Variants in SLC16A13 observed in about 807,000 individuals in gnomAD.
SLC16A13 encodes the protein monocarboxylate transporter 13.
A neutral mutation model predicts 28.1 loss-of-function variants in SLC16A13; 28 were observed. The ratio of observed to expected loss-of-function variants is 1.00; its 90% CI spans 0.74 to 1.37. The LOEUF (loss-of-function observed/expected upper bound fraction) is 1.37. Ranked by LOEUF, SLC16A13 falls within the 40% of genes most tolerant of loss-of-function variation. SLC16A13 has a pLI of 0.00. For missense variants in SLC16A13, 482 were observed against 531.8 expected, an observed-to-expected ratio of 0.91 and a Z score of 0.92; for synonymous variants, 228 against 241.6, an observed-to-expected ratio of 0.94 and a Z score of 0.52.
chr17:7,037,778 A>T (rs978659459), intron 2 of SLC16A13, among the ~76,000 whole-genome samples: 2 of 152,162 alleles, frequency 1.3e-5, no homozygotes, highest in African/African-American at 4.8e-5. Flanking sequence ...TGAAATCGAT[A>T]TCATTATTGG....
intron 2 of SLC16A13, 45 bp downstream of exon 2, chr17:7,036,915 T>G: frequency 6.3e-7 from 1 of 1,598,106 alleles, no homozygotes. Flanking sequence ...CTTAGATCGT[T>G]GGATGTTCAC....
chr17:7,038,302 A>G lies in SLC16A13; in HGVS notation c.494A>G (p.His165Arg), dbSNP rs1469004541. 2 of 1,613,854 alleles carry G rather than the reference A, an allele frequency of 1.2e-6. No homozygotes were observed. Residue 165 changes from histidine (H) to arginine (R), a missense_variant, in exon 3 of 4, where the codon CAC becomes CGC. By Grantham distance (29) the His-to-Arg change is conservative. Transcript: ENST00000308027. The surrounding 1 kb of genome is among the most constrained non-coding windows in gnomAD (Gnocchi z 5.7). The stretch of plus-strand genomic sequence containing the variant: ...CCCTTTTTCCAGTGGCTGCTCAGCC[A>G]CTACGCCTGGAGGGGGTCCCTGCTG... ...FAPFFQWLLS[H>R]YAWRGSLLLV...
intron 1 of SLC16A13, 38 bp downstream of exon 1, chr17:7,036,619 C>A (rs573586089): frequency 1.9e-6 from 3 of 1,611,116 alleles, no homozygotes; most frequent in Non-Finnish European, 2.5e-6. Flanking sequence ...CTGCGACCCT[C>A]GGAAGGGAGA....
intron 2 of SLC16A13, 47 bp downstream of exon 2, chr17:7,036,917 G>C: frequency 6.3e-7 from 1 of 1,596,858 alleles, no homozygotes; most frequent in Non-Finnish European, 8.5e-7. Flanking sequence ...TAGATCGTTG[G>C]ATGTTCACCT....
Position 7,038,008 on chromosome 17 carries a change from C to T in SLC16A13, c.344-144C>T. The T allele has an allele frequency of 2.1e-6, 2 of 964,152 alleles. No individual in the cohort carries two copies. The highest frequency in any genetic ancestry group is 3.1e-6 in the Non-Finnish European group (2 of 644,874). 59.7% of individuals were successfully genotyped at this position (964,152 alleles called of 1,614,324 possible). On this transcript the variant is annotated intron_variant, in intron 2 of 3. Coordinates refer to ENST00000308027, the MANE Select transcript of SLC16A13 (RefSeq NM_201566.3). The surrounding 1 kb of genome is among the most constrained non-coding windows in gnomAD (Gnocchi z 5.7). ...AAGTAAAACACACAAGGTTACACAG[C>T]TATGAAGTATCCAAGCCAAGATTGT... is the stretch of plus-strand genomic sequence containing the variant.
At position 7,036,558 on chromosome 17, in the gene SLC16A13, G is replaced by C; in HGVS notation, c.176G>C (p.Gly59Ala). 6.2e-7 allele frequency: 1 copy of C among 1,612,418 alleles called. No homozygotes were observed. The highest frequency in any genetic ancestry group is 8.5e-7 in the Non-Finnish European group (1 of 1,179,976). Residue 59 changes from glycine to alanine, a missense_variant, in exon 1 of 4, where the codon GGA becomes GCA. Physicochemically the swap from Gly to Ala is moderately conservative, Grantham distance 60. Coordinates refer to ENST00000308027, the MANE Select transcript of SLC16A13 (RefSeq NM_201566.3). ...AARVSWIASI[G>A]IAVQQFGSPV... ...CGCGTCTCCTGGATCGCCTCCATAG[G>C]AATCGCGGTGCAGCAGTTTGGGAGT...
At chr17:7,036,945 A>G in intron 2 of SLC16A13, 75 bp downstream of exon 2, 2 of 1,560,788 alleles carry the variant, frequency 1.3e-6, no homozygotes, top group Non-Finnish European at 1.7e-6. Context: ...GCTCCTTCCA[A>G]AGGGTTCGGG....
chr17:7,036,638 G>C, intron 1 of SLC16A13, 57 bp downstream of exon 1: 1 of 1,609,666 alleles, frequency 6.2e-7, no homozygotes, highest in Non-Finnish European at 8.5e-7. Context: ...GAGGGAATGC[G>C]GCGACTGGGA....
chr17:7,037,725 CA>C (rs74493369), intron 2 of SLC16A13, among the ~76,000 whole-genome samples: 90,126 of 135,148 alleles, frequency 0.67, 30,522 homozygotes, highest in East Asian at 0.84. Flanking sequence ...GACTCCGTCT[CA>C]AAAAAAAAAA....
In SLC16A13 at chr17:7,038,230, C is replaced by G. The variant is rs369381291; in HGVS notation, c.422C>G (p.Thr141Ser). The change falls in exon 3 of 4, where the codon ACC (threonine) becomes AGC (serine). Residue 141 changes from threonine (T) to serine (S), a missense_variant. Transcript: ENST00000308027. This position sits in a 1 kb window ranked among gnomAD's most constrained non-coding sequence, Gnocchi z 5.7. Reference protein sequence around the residue: ...CYFSRRRSLATGLALTGVGLS... With the variant: ...CYFSRRRSLASGLALTGVGLS... ...TTCTCTCGCCGACGATCCCTGGCCA[C>G]CGGGCTGGCACTGACAGGCGTGGGC... is the stretch of plus-strand genomic sequence containing the variant. 5.6e-6 allele frequency: 9 copies of G among 1,614,084 alleles called. No homozygotes were observed. Among genetic ancestry groups the G allele is most frequent in the Non-Finnish European group, 7.6e-6 (9 of 1,180,052 alleles).
At position 7,036,155 on chromosome 17, in the gene SLC16A13, G is replaced by A. The variant is rs929583773; in HGVS notation, c.-228G>A. 1 of 484,586 alleles carries A rather than the reference G, an allele frequency of 2.1e-6. No homozygotes were observed. The highest frequency in any genetic ancestry group is 3.6e-6 in the Non-Finnish European group (1 of 274,602). The allele number at this position is 484,586 out of a possible 1,614,324, so 30.0% of individuals were successfully genotyped here. On this transcript the variant is annotated 5_prime_UTR_variant, in exon 1 of 4. Transcript: ENST00000308027. ...AGCTCGCGGAACCACGCCCCCGGGA[G>A]ACTCTGGCCCGGCCAGCGCGGGCCA...
Position 7,039,632 on chromosome 17 carries a change from T to C in SLC16A13, c.1082-131T>C. The C allele has an allele frequency of 1.1e-6, 1 of 940,350 alleles. No homozygotes were observed. The highest frequency in any genetic ancestry group is 1.6e-6 in the Non-Finnish European group (1 of 626,140). The allele number at this position is 940,350 out of a possible 1,614,324, so 58.3% of individuals were successfully genotyped here. On this transcript the variant is annotated intron_variant, in intron 3 of 3. Transcript: ENST00000308027. This position sits in a 1 kb window ranked among gnomAD's most constrained non-coding sequence, Gnocchi z 4.3. ...TTTGGGAAACCAGAGTTCTTAAGTT[T>C]ATCCAACTATTCCATGGGAGTTCCA...
At chr17:7,037,634 G>A (rs897984521) in intron 2 of SLC16A13, among the ~76,000 whole-genome samples, 1 of 151,926 alleles carries the variant, frequency 6.6e-6, no homozygotes, top group Non-Finnish European at 1.5e-5. Flanking sequence ...GCTGAGGCAG[G>A]AGAATGGTGT....
Position 7,038,170 on chromosome 17 carries a change from C to A in SLC16A13, c.362C>A (p.Thr121Asn), listed in dbSNP as rs544097423. Residue 121 changes from threonine to asparagine, a missense_variant, in exon 3 of 4, where the codon ACC (threonine) becomes AAC (asparagine). Coordinates refer to ENST00000308027, the MANE Select transcript of SLC16A13 (RefSeq NM_201566.3). This position sits in a 1 kb window ranked among gnomAD's most constrained non-coding sequence, Gnocchi z 5.7. ...TTGACAGGCTCTGGCTGGGCTTTGA[C>A]CTTCGCTCCGACCCTGGCCTGCCTG... ...GLLSGSGWALTFAPTLACLSC... is the reference protein window; with the variant it reads ...GLLSGSGWALNFAPTLACLSC... The A allele has an allele frequency of 3.1e-6, 5 of 1,613,162 alleles. No individual in the cohort carries two copies. The East Asian group carries it at 8.9e-5, about 29-fold the overall frequency.
rs62058726 is a variant in SLC16A13, at chr17:7,037,921, C to T, written c.344-231C>T. Among the ~76,000 whole-genome samples, 662 of 152,282 alleles carry T rather than the reference C, an allele frequency of 4.3e-3. 2 individuals carry two copies. The highest frequency in any genetic ancestry group is 6.5e-3 in the Non-Finnish European group (441 of 68,026). On this transcript the variant is annotated intron_variant, in intron 2 of 3. Transcript: ENST00000308027. ...CCTTACAAACTTTGTCTCTAATCTT[C>T]CACAATCCCAAAAAGTGTATTATTA...
chr17:7,036,883 A>G lies in SLC16A13; in HGVS notation c.343+13A>G. On this transcript the variant is annotated intron_variant, in intron 2 of 3. Coordinates refer to ENST00000308027, the MANE Select transcript of SLC16A13 (RefSeq NM_201566.3). ...GGGTTGCTGTCAGGTGAGAGCCTGC[A>G]CAAGGGCAGGAGAGTCAAATGCTTA... The G allele has an allele frequency of 6.2e-7, 1 of 1,610,554 alleles. No individual in the cohort carries two copies. Among genetic ancestry groups the G allele is most frequent in the South Asian group, 1.1e-5 (1 of 91,048 alleles).
rs140636283 is a variant in SLC16A13, at chr17:7,039,887, C to G, written c.1206C>G (p.Ser402=). ...TCTTCTGCTTCTCAACTACTACCTC[C>G]GGGCCCCAGGACCTTGTAACAGAAG... ...PHFFCFSTTT[S]GPQDLVTEAL... The change falls in exon 4 of 4, where the codon TCC becomes TCG. Residue 402 remains serine (S), a synonymous_variant. Coordinates refer to ENST00000308027, the MANE Select transcript of SLC16A13 (RefSeq NM_201566.3). The surrounding 1 kb of genome is among the most constrained non-coding windows in gnomAD (Gnocchi z 4.3). The G allele has an allele frequency of 1.9e-6, 3 of 1,614,174 alleles. No individual in the cohort carries two copies. The highest frequency in any genetic ancestry group is 2.5e-6 in the Non-Finnish European group (3 of 1,180,042).
At position 7,038,220 on chromosome 17, in the gene SLC16A13, T is replaced by A; in HGVS notation, c.412T>A (p.Ser138Thr). 2 of 1,614,144 alleles carry A rather than the reference T, an allele frequency of 1.2e-6. No individual in the cohort carries two copies. Among genetic ancestry groups the A allele is most frequent in the Non-Finnish European group, 1.7e-6 (2 of 1,180,026 alleles). Residue 138 changes from serine (S) to threonine (T), a missense_variant, in exon 3 of 4, where the codon TCC (serine) becomes ACC (threonine). Transcript: ENST00000308027. This position sits in a 1 kb window ranked among gnomAD's most constrained non-coding sequence, Gnocchi z 5.7. ...CLSCYFSRRR[S>T]LATGLALTGV... ...GTCCTGTTATTTCTCTCGCCGACGA[T>A]CCCTGGCCACCGGGCTGGCACTGAC...
intron 2 of SLC16A13, among the ~76,000 whole-genome samples, chr17:7,037,357 A>AAAAAAAAAAG (rs1349370071): frequency 7.8e-5 from 11 of 140,152 alleles, no homozygotes; most frequent in African/African-American, 2.8e-4. Context: ...AAAAAAAAAA[A>AAAAAAAAAAG]AAGATGAAAC....
Sources: allele counts gnomAD v4.1 joint callset (sites outside exome capture counted in the v4.1 genomes callset), GRCh38; gene constraint gnomAD v4.1.1; non-coding constraint Gnocchi (gnomAD v3.1); transcripts MANE v1.5; gene names NCBI Gene and HGNC (gene_info 2026-07-23, HGNC 2026-07-21).